Variants in ACTN1 observed in about 807,000 individuals in gnomAD.
The protein encoded by ACTN1 is alpha-actinin-1.
Under a neutral mutation model 119.6 loss-of-function variants are expected in ACTN1, and 30 were observed. The observed-to-expected ratio is 0.25, with a 90% confidence interval of 0.19 to 0.34. ACTN1 has a LOEUF of 0.34. Among genes scored for constraint, ACTN1 ranks in the 10% least tolerant of loss-of-function variants. ACTN1 has a pLI of 1.00. For missense variants in ACTN1, 764 were observed against 1,223.4 expected, an observed-to-expected ratio of 0.62 and a Z score of 5.60; for synonymous variants, 429 against 472.6, an observed-to-expected ratio of 0.91 and a Z score of 1.20.
chr14:68,966,837 C>A (rs1001642931), intron 1 of ACTN1, among the ~76,000 whole-genome samples: 3 of 152,156 alleles, frequency 2.0e-5, no homozygotes, highest in Non-Finnish European at 2.9e-5. Context: ...CACAAAAGGA[C>A]CAGAAATTCC....
chr14:68,960,416 G>A (rs933372997), intron 1 of ACTN1, among the ~76,000 whole-genome samples: 1 of 152,088 alleles, frequency 6.6e-6, no homozygotes, highest in Admixed American at 6.5e-5. Flanking sequence ...CTTGATTGTG[G>A]TAATCATGTC....
At chr14:68,941,859 C>A (rs1282307262) in intron 1 of ACTN1, among the ~76,000 whole-genome samples, 2 of 152,188 alleles carry the variant, frequency 1.3e-5, no homozygotes, top group East Asian at 3.8e-4. Flanking sequence ...CCAGCAGGCA[C>A]TGCACCCCAA....
intron 1 of ACTN1, among the ~76,000 whole-genome samples, chr14:68,955,649 A>G (rs2036329648): frequency 6.6e-6 from 1 of 152,182 alleles, no homozygotes; most frequent in South Asian, 2.1e-4. Flanking sequence ...CCTGCTGAGC[A>G]GGGTGAGAGG....
chr14:68,935,978 G>T (rs763389205), intron 1 of ACTN1, among the ~76,000 whole-genome samples: 2 of 152,280 alleles, frequency 1.3e-5, no homozygotes, highest in African/African-American at 2.4e-5. Context: ...CAGAGGATGG[G>T]ATCAGGAAAC....
chr14:68,909,788 G>A lies in ACTN1; in HGVS notation c.515+167C>T, dbSNP rs1204722202. On this transcript the variant is annotated intron_variant, in intron 5 of 21. Coordinates refer to ENST00000394419, the MANE Select transcript of ACTN1 (RefSeq NM_001130004.2). This position sits in a 1 kb window ranked among gnomAD's most constrained non-coding sequence, Gnocchi z 4.1. ...TCTAAGACACTGCAGGGAGAGAGAC[G>A]GGGGGATTCAGAGCGATGGCGACAT... Among the ~76,000 whole-genome samples the A allele has an allele frequency of 1.3e-5, 2 of 152,112 alleles. No homozygotes were observed. The highest frequency in any genetic ancestry group is 1.9e-4 in the East Asian group (1 of 5,188).
chr14:68,952,328 C>G (rs758572901), intron 1 of ACTN1, among the ~76,000 whole-genome samples: 5 of 152,336 alleles, frequency 3.3e-5, no homozygotes, highest in Middle Eastern at 6.8e-3. Context: ...CGGGACCCTG[C>G]GGGCTGCAGA....
At chr14:68,978,415 G>A in intron 1 of ACTN1, 1 of 351,204 alleles carries the variant, frequency 2.8e-6, no homozygotes, top group South Asian at 2.1e-5. Flanking sequence ...CAGATCCGGA[G>A]GCGGCCGCCG....
rs1210523557 is a variant in ACTN1 at position 68,898,382 on chromosome 14, CTT to C, written c.762+4093_762+4094del. 4.6e-5 allele frequency among the ~76,000 whole-genome samples: 7 copies of C among 152,342 alleles called. 1 individual carries two copies. In the East Asian group the frequency reaches 1.4e-3, roughly 29 times the overall value. On this transcript the variant is annotated intron_variant, in intron 8 of 21. Transcript: ENST00000394419. Reference sequence around the variant, plus strand: ...CTAATGAGGGAAATCAGTACACAGACTTATTATACAGCACGTGCCTGTACAGG... The same window carrying C: ...CTAATGAGGGAAATCAGTACACAGACATTATACAGCACGTGCCTGTACAGG...
intron 1 of ACTN1, among the ~76,000 whole-genome samples, chr14:68,960,658 C>T (rs1422122944): frequency 1.3e-5 from 2 of 151,738 alleles, no homozygotes; most frequent in Admixed American, 6.6e-5. Context: ...TACCTGTCAA[C>T]CCAGCATTTT....
intron 1 of ACTN1, among the ~76,000 whole-genome samples, chr14:68,972,632 T>C (rs933467113): frequency 1.3e-5 from 2 of 152,242 alleles, no homozygotes; most frequent in African/African-American, 4.8e-5. Context: ...GTTTTGTTTG[T>C]ATATGTTTGT....
At chr14:68,907,673 T>C (rs943648513) in intron 6 of ACTN1, among the ~76,000 whole-genome samples, 1 of 152,190 alleles carries the variant, frequency 6.6e-6, no homozygotes, top group African/African-American at 2.4e-5. Context: ...GGATAGTGCG[T>C]GGGAGAGTGC....
intron 7 of ACTN1, 55 bp from the exon 8 acceptor site, chr14:68,902,617 C>T: frequency 6.8e-7 from 1 of 1,476,308 alleles, no homozygotes; most frequent in Non-Finnish European, 9.4e-7. Context: ...ACCATACACC[C>T]CCGACGTGAG....
rs1184717892 is a variant in ACTN1, at chr14:68,909,353, G to A, written c.559C>T (p.Arg187Trp). The stretch of plus-strand genomic sequence containing the variant: ...TTCCCGTAGTCAATCAGCTCGGGCC[G>A]GTGTCGGTGGATCAAAGCACAGAAG... ...LGFCALIHRH[R>W]PELIDYGKLR... The change falls in exon 6 of 22, where the codon CGG becomes TGG. Residue 187 changes from arginine (R) to tryptophan (W), a missense_variant. Coordinates refer to ENST00000394419, the MANE Select transcript of ACTN1 (RefSeq NM_001130004.2). The surrounding 1 kb of genome is among the most constrained non-coding windows in gnomAD (Gnocchi z 4.1). 2.9e-5 allele frequency: 46 copies of A among 1,613,954 alleles called. No individual in the cohort carries two copies. The highest frequency in any genetic ancestry group is 6.7e-5 in the East Asian group (3 of 44,890).
chr14:68,909,846 G>C lies in ACTN1; in HGVS notation c.515+109C>G. On this transcript the variant is annotated intron_variant, in intron 5 of 21. Coordinates refer to ENST00000394419, the MANE Select transcript of ACTN1 (RefSeq NM_001130004.2). This position sits in a 1 kb window ranked among gnomAD's most constrained non-coding sequence, Gnocchi z 4.1. ...CCAAGGAAAGCTACTTCTTCCCCCA[G>C]AGGTCTCCACTTTGTTCTAAAGCTG... 1 of 862,398 alleles carries C rather than the reference G, an allele frequency of 1.2e-6. No homozygotes were observed. Among genetic ancestry groups the C allele is most frequent in the Non-Finnish European group, 1.9e-6 (1 of 534,446 alleles). The allele number at this position is 862,398 out of a possible 1,614,324, so 53.4% of individuals were successfully genotyped here.
At chr14:68,971,121 T>G (rs1204911566) in intron 1 of ACTN1, among the ~76,000 whole-genome samples, 1 of 152,244 alleles carries the variant, frequency 6.6e-6, no homozygotes, top group Non-Finnish European at 1.5e-5. Flanking sequence ...TACTTCTGGT[T>G]AAAAGCCGAG....
intron 2 of ACTN1, among the ~76,000 whole-genome samples, chr14:68,924,991 G>C (rs1362726050): frequency 2.0e-5 from 3 of 152,170 alleles, no homozygotes; most frequent in Non-Finnish European, 4.4e-5. Flanking sequence ...GCTGGGCTGG[G>C]ATTAGGTCTA....
intron 8 of ACTN1, among the ~76,000 whole-genome samples, chr14:68,899,006 A>C (rs1192103377): frequency 1.4e-5 from 2 of 139,232 alleles, no homozygotes; most frequent in South Asian, 4.6e-4. Context: ...CACACCCTAC[A>C]CCTCACACCC....
At chr14:68,964,576 C>T (rs2036641666) in intron 1 of ACTN1, among the ~76,000 whole-genome samples, 1 of 152,178 alleles carries the variant, frequency 6.6e-6, no homozygotes, top group Non-Finnish European at 1.5e-5. Flanking sequence ...GCAGTGTGGA[C>T]TCTGGCCAGG....
intron 4 of ACTN1, 47 bp from the exon 5 acceptor site, chr14:68,910,089 G>A (rs748126558): frequency 6.5e-7 from 1 of 1,536,236 alleles, no homozygotes; most frequent in South Asian, 1.1e-5. Flanking sequence ...TGACTCGGTG[G>A]AGGGAGGGAT....
Sources: allele counts gnomAD v4.1 joint callset (sites outside exome capture counted in the v4.1 genomes callset), GRCh38; gene constraint gnomAD v4.1.1; non-coding constraint Gnocchi (gnomAD v3.1); transcripts MANE v1.5; gene names NCBI Gene and HGNC (gene_info 2026-07-23, HGNC 2026-07-21).